Variants in TNS1 observed in about 807,000 individuals in gnomAD.
The protein encoded by TNS1 is tensin-1.
A neutral mutation model predicts 168.6 loss-of-function variants in TNS1; 62 were observed. That is an observed-to-expected ratio of 0.37 (90% CI 0.30 to 0.45). The LOEUF is 0.45. Among genes scored for constraint, TNS1 ranks in the 20% least tolerant of loss-of-function variants. TNS1 has a pLI of 1.00. For missense variants in TNS1, 2,240 were observed against 2,339.4 expected, an observed-to-expected ratio of 0.96 and a Z score of 0.88; for synonymous variants, 934 against 933.2, an observed-to-expected ratio of 1.00 and a Z score of -0.02.
At chr2:217,881,070 G>A (rs1950639304) in intron 17 of TNS1, 56 bp from the exon 18 acceptor site, 3 of 1,251,490 alleles carry the variant, frequency 2.4e-6, no homozygotes, top group African/African-American at 1.5e-5. Flanking sequence ...AGAGGGAAAA[G>A]AGATCAGCAG....
At chr2:217,861,728 G>A (rs1489286949) in intron 18 of TNS1, among the ~76,000 whole-genome samples, 2 of 152,212 alleles carry the variant, frequency 1.3e-5, no homozygotes, top group Admixed American at 1.3e-4. Flanking sequence ...AGTAAGTAGT[G>A]CAAAGACTGA....
At chr2:217,978,371 T>C (rs1298633987) in intron 3 of TNS1, among the ~76,000 whole-genome samples, 1 of 152,092 alleles carries the variant, frequency 6.6e-6, no homozygotes, top group East Asian at 1.9e-4. Context: ...GTTGGCCAAA[T>C]TGAGCCAACT....
chr2:217,859,720 GCA>G (rs1221032734), intron 18 of TNS1: 17 of 1,527,472 alleles, frequency 1.1e-5, no homozygotes, highest in Non-Finnish European at 1.5e-5. Flanking sequence ...ATCATGAATA[GCA>G]GAGTATCACT....
upstream of TNS1, among the ~76,000 whole-genome samples, chr2:218,006,286 C>T (rs1958656671): frequency 6.6e-6 from 1 of 152,188 alleles, no homozygotes; most frequent in African/African-American, 2.4e-5. Flanking sequence ...GCCTGGCAGG[C>T]CCCTCCCTGG....
intron 3 of TNS1, among the ~76,000 whole-genome samples, chr2:217,950,686 C>T (rs1490946600): frequency 6.6e-6 from 1 of 150,948 alleles, no homozygotes. Context: ...GCCCAAAGCC[C>T]AGAGCTGTCC....
intron 3 of TNS1, among the ~76,000 whole-genome samples, chr2:217,933,043 G>A (rs11898315): frequency 0.4 from 60,956 of 152,090 alleles, 16,708 homozygotes; most frequent in African/African-American, 0.79. Flanking sequence ...GCCGAGTGGC[G>A]GGAAGCCCCC....
chr2:217,934,767 G>C (rs1956513908), intron 3 of TNS1, among the ~76,000 whole-genome samples: 1 of 152,160 alleles, frequency 6.6e-6, no homozygotes, highest in African/African-American at 2.4e-5. Flanking sequence ...GTGCTGGAAG[G>C]ACCTCCCCAG....
At chr2:218,003,620 T>C (rs1019680541), upstream of TNS1, among the ~76,000 whole-genome samples, 1 of 152,044 alleles carries the variant, frequency 6.6e-6, no homozygotes, top group African/African-American at 2.4e-5. Context: ...ATTTTTTTCC[T>C]ATTTCTTTTT....
chr2:217,809,240 G>C (rs868325451), intron 30 of TNS1, among the ~76,000 whole-genome samples: 699 of 68,048 alleles, frequency 0.01, 62 homozygotes, highest in African/African-American at 0.039. Context: ...TGGATGGATG[G>C]ATGGATGGAT....
intron 7 of TNS1, 82 bp downstream of exon 7, chr2:217,900,381 C>T (rs1434918770): frequency 6.8e-7 from 1 of 1,478,836 alleles, no homozygotes; most frequent in East Asian, 2.5e-5. Context: ...TCCGGGGGAC[C>T]CAGAGGCAAG....
intron 3 of TNS1, among the ~76,000 whole-genome samples, chr2:217,925,118 A>G (rs375077635): frequency 1.3e-5 from 2 of 152,292 alleles, no homozygotes; most frequent in Admixed American, 6.5e-5. Flanking sequence ...TATAAGTGCT[A>G]TTATTGCCTA....
intron 2 of TNS1, chr2:217,979,044 A>AGAGCCC: frequency 8.3e-6 from 4 of 481,810 alleles, no homozygotes. Flanking sequence ...TCCCAGAGCC[A>AGAGCCC]GAGCCCCTCC....
intron 18 of TNS1, among the ~76,000 whole-genome samples, chr2:217,856,746 A>G (rs1200400542): frequency 2.0e-5 from 3 of 152,244 alleles, no homozygotes; most frequent in African/African-American, 7.2e-5. Flanking sequence ...CAACAAGCAC[A>G]GGGCCTTGGA....
chr2:217,946,410 T>C (rs549008782), intron 3 of TNS1, among the ~76,000 whole-genome samples: 47 of 152,146 alleles, frequency 3.1e-4, no homozygotes, highest in Non-Finnish European at 6.2e-4. Context: ...GGCTGACACA[T>C]AGTAGAGTCT....
At chr2:217,940,209 G>A (rs1956842006) in intron 3 of TNS1, among the ~76,000 whole-genome samples, 1 of 152,214 alleles carries the variant, frequency 6.6e-6, no homozygotes, top group Admixed American at 6.5e-5. Context: ...ACAAAGTCTA[G>A]GCCAGTCCTC....
chr2:217,973,080 G>A (rs1046369105), intron 3 of TNS1, among the ~76,000 whole-genome samples: 1 of 152,208 alleles, frequency 6.6e-6, no homozygotes, highest in Non-Finnish European at 1.5e-5. Context: ...CAGGCAGGGT[G>A]TGGTGGCTCA....
chr2:217,874,709 A>G (rs1029844205), intron 18 of TNS1, among the ~76,000 whole-genome samples: 7 of 152,232 alleles, frequency 4.6e-5, no homozygotes, highest in African/African-American at 1.7e-4. Flanking sequence ...TAATAATAAT[A>G]ACAGACACAA....
intron 22 of TNS1, among the ~76,000 whole-genome samples, chr2:217,824,267 G>A (rs894729456): frequency 4.6e-5 from 7 of 152,124 alleles, no homozygotes; most frequent in Admixed American, 2.0e-4. Flanking sequence ...GGAGCCGTGC[G>A]CCAGGACACA....
chr2:217,956,037 C>T (rs778646555), intron 3 of TNS1, among the ~76,000 whole-genome samples: 7 of 152,082 alleles, frequency 4.6e-5, no homozygotes, highest in Non-Finnish European at 1.0e-4. Flanking sequence ...AGCCCCCCCA[C>T]CAAGTCCCAG....
Sources: allele counts gnomAD v4.1 joint callset (sites outside exome capture counted in the v4.1 genomes callset), GRCh38; gene constraint gnomAD v4.1.1; transcripts MANE v1.5; gene names NCBI Gene and HGNC (gene_info 2026-07-23, HGNC 2026-07-21).